Variants in SSX1 observed in about 807,000 individuals in gnomAD.
The protein encoded by SSX1 is protein SSX1.
Under a neutral mutation model 14.6 loss-of-function variants are expected in SSX1, and 58 were observed. The observed-to-expected ratio is 3.96, with a 90% CI of 3.21 to 4.93. The LOEUF (loss-of-function observed/expected upper bound fraction) is 4.93. Ranked by LOEUF, SSX1 falls within the 30% of genes most tolerant of loss-of-function variation. The pLI, the probability that SSX1 is intolerant of heterozygous loss-of-function variation, is 0.00. For synonymous variants in SSX1, 46 were observed against 52.1 expected, an observed-to-expected ratio of 0.88 and a Z score of 0.50; for missense variants, 272 against 143.1, an observed-to-expected ratio of 1.90 and a Z score of -4.60.
chrX:48,264,856 C>G (rs1321008547), intron 6 of SSX1, among the ~76,000 whole-genome samples: 1 of 112,786 alleles, frequency 8.9e-6, no homozygotes, highest in Non-Finnish European at 1.9e-5. Flanking sequence ...AGTGTAGCCA[C>G]GTTCATCAGT....
chrX:48,257,417 C>T lies in SSX1; in HGVS notation c.69+107C>T, dbSNP rs782077734. 36 of 1,165,694 alleles carry T rather than the reference C, an allele frequency of 3.1e-5. No homozygotes were observed. The East Asian group carries it at 7.8e-4, about 25-fold the overall frequency. The stretch of plus-strand genomic sequence containing the variant: ...GTACTGGGGACAAGGAGCAGGGTCT[C>T]GGGGGAGATCTGGACCCTTGGGAGC... On this transcript the variant is annotated intron_variant, in intron 2 of 7. Coordinates refer to ENST00000376919, the MANE Select transcript of SSX1 (RefSeq NM_005635.4).
At chrX:48,262,165 C>T (rs1241191807) in intron 5 of SSX1, among the ~76,000 whole-genome samples, 1 of 112,311 alleles carries the variant, frequency 8.9e-6, no homozygotes, top group Admixed American at 9.4e-5. Flanking sequence ...TGGCACAAAT[C>T]TTCTAAGTTA....
At position 48,257,785 on chromosome X, in the gene SSX1, T is replaced by A. The variant is rs781990771; in HGVS notation, c.109T>A (p.Trp37Arg). 2 of 1,206,122 alleles carry A rather than the reference T, an allele frequency of 1.7e-6. No homozygotes were observed. Among genetic ancestry groups the A allele is most frequent in the South Asian group, 1.8e-5 (1 of 56,442 alleles). ...TGCCACATACTTCTCTAAGAAAGAG[T>A]GGAAAAAGATGAAATACTCGGAGAA... is the stretch of plus-strand genomic sequence containing the variant. ...DIATYFSKKEWKKMKYSEKIS... is the reference protein window; with the variant it reads ...DIATYFSKKERKKMKYSEKIS... The change falls in exon 3 of 8, where the codon TGG becomes AGG. Residue 37 changes from tryptophan to arginine, a missense_variant. Trp to Arg is a moderately radical substitution (Grantham distance 101, BLOSUM62 -3). Transcript: ENST00000376919.
At chrX:48,258,159 C>T (rs1360890344) in intron 3 of SSX1, among the ~76,000 whole-genome samples, 1 of 102,756 alleles carries the variant, frequency 9.7e-6, no homozygotes, top group Non-Finnish European at 2.0e-5. Flanking sequence ...TTCCTCCTCT[C>T]AGCTTGTCTC....
rs2059594426 is a variant in SSX1 at position 48,259,018 on chromosome X, T to C, written c.280+387T>C. Among the ~76,000 whole-genome samples the C allele has an allele frequency of 4.5e-5, 5 of 110,390 alleles. No individual in the cohort carries two copies. The South Asian group carries it at 1.9e-3, about 43-fold the overall frequency. Reference sequence around the variant, plus strand: ...GTTTTGTTTTGTTTTTGTTTTGAACTGGAGATTTGCTCTTGTCGCCCAGGC... The same window carrying C: ...GTTTTGTTTTGTTTTTGTTTTGAACCGGAGATTTGCTCTTGTCGCCCAGGC... On this transcript the variant is annotated intron_variant, in intron 4 of 7. Coordinates refer to ENST00000376919, the MANE Select transcript of SSX1 (RefSeq NM_005635.4).
At chrX:48,258,394 A>G (rs782797795) in intron 3 of SSX1, 142 bp from the exon 4 acceptor site, 15 of 507,455 alleles carry the variant, frequency 3.0e-5, no homozygotes, top group East Asian at 1.4e-4. Flanking sequence ...GGGTCTCTCT[A>G]TGTTACACAG....
chrX:48,267,401 C>T lies in SSX1; in HGVS notation c.*552C>T. Reference sequence around the variant, plus strand: ...AGCATGTACTCCCCTCATCCGATTCCCCTGTATCAGTCACTGACAGTTAAT... The same window carrying T: ...AGCATGTACTCCCCTCATCCGATTCTCCTGTATCAGTCACTGACAGTTAAT... On this transcript the variant is annotated 3_prime_UTR_variant, in exon 8 of 8. Coordinates refer to ENST00000376919, the MANE Select transcript of SSX1 (RefSeq NM_005635.4). 6.0e-6 allele frequency: 1 copy of T among 167,724 alleles called. No homozygotes were observed. The highest frequency in any genetic ancestry group is 1.2e-5 in the Non-Finnish European group (1 of 86,544). The allele number at this position is 167,724 out of a possible 1,213,427, so 13.8% of individuals were successfully genotyped here.
At chrX:48,255,641 T>G (rs1361694284) in intron 1 of SSX1, among the ~76,000 whole-genome samples, 11 of 107,303 alleles carry the variant, frequency 1.0e-4, no homozygotes, top group African/African-American at 3.7e-4. Flanking sequence ...GTTTTTTTTT[T>G]TTTTTTTTTA....
chrX:48,266,872 T>C lies in SSX1; in HGVS notation c.*23T>C. On this transcript the variant is annotated 3_prime_UTR_variant, in exon 8 of 8. Coordinates refer to ENST00000376919, the MANE Select transcript of SSX1 (RefSeq NM_005635.4). ...GCCTCAGCCTGGGGGATACGACACA[T>C]GCCCTTGATGAGAAGCAGAACGTGG... is the stretch of plus-strand genomic sequence containing the variant. The C allele has an allele frequency of 1.8e-6, 2 of 1,112,081 alleles. No individual in the cohort carries two copies. Among genetic ancestry groups the C allele is most frequent in the South Asian group, 3.6e-5 (2 of 55,276 alleles). The allele number at this position is 1,112,081 out of a possible 1,213,427, so 91.6% of individuals were successfully genotyped here. A position where few individuals can be genotyped will look rare whatever the true frequency, so the allele number is the denominator to read the frequency against.
At chrX:48,256,028 TTTG>T (rs1569450453) in intron 1 of SSX1, among the ~76,000 whole-genome samples, 1 of 101,144 alleles carries the variant, frequency 9.9e-6, no homozygotes. Context: ...CCCTGCTAGT[TTTG>T]TTGTTGTTGT....
chrX:48,267,173 A>T lies in SSX1; in HGVS notation c.*324A>T. 5.9e-6 allele frequency: 2 copies of T among 340,381 alleles called. 1 individual carries two copies. Among genetic ancestry groups the T allele is most frequent in the Non-Finnish European group, 1.1e-5 (2 of 189,474 alleles). The allele number at this position is 340,381 out of a possible 1,213,427, so 28.1% of individuals were successfully genotyped here. ...GTATTGTCAGGTATTCTCTCCATAG[A>T]ACAGCACTATCCTCATCTCTCCCCA... On this transcript the variant is annotated 3_prime_UTR_variant, in exon 8 of 8. Transcript: ENST00000376919.
intron 1 of SSX1, among the ~76,000 whole-genome samples, chrX:48,255,744 A>C (rs1182809426): frequency 5.4e-5 from 5 of 93,110 alleles, no homozygotes; most frequent in African/African-American, 2.0e-4. Flanking sequence ...TACAGGCACG[A>C]ACCACCCCAC....
At position 48,267,111 on chromosome X, in the gene SSX1, T is replaced by A. The variant is rs2059626811; in HGVS notation, c.*262T>A. On this transcript the variant is annotated 3_prime_UTR_variant, in exon 8 of 8. Transcript: ENST00000376919. ...GAGCAAGACATACTGAATGCATATT[T>A]CGGTTTGTGTATCCATGCACCTACG... The A allele has an allele frequency of 2.5e-6, 1 of 405,919 alleles. No homozygotes were observed. 33.5% of individuals were successfully genotyped at this position (405,919 alleles called of 1,213,427 possible).
intron 1 of SSX1, among the ~76,000 whole-genome samples, 200 bp downstream of exon 1, chrX:48,255,632 T>G (rs2059577749): frequency 1.3e-5 from 1 of 76,987 alleles, no homozygotes; most frequent in Non-Finnish European, 2.5e-5. Context: ...CCCACCCCTG[T>G]TTTTTTTTTT....
intron 5 of SSX1, 151 bp from the exon 6 acceptor site, chrX:48,263,631 C>G: frequency 2.6e-6 from 2 of 782,128 alleles, no homozygotes; most frequent in East Asian, 6.6e-5. Context: ...TGCTTCTAAT[C>G]TCCCAGGTTT....
Position 48,258,618 on chromosome X carries a change from C to A in SSX1, c.267C>A (p.Asn89Lys). Reference protein sequence around the residue: ...FQGNDFDNDHNRRIQVEHPQM... With the variant: ...FQGNDFDNDHKRRIQVEHPQM... ...GGAATGATTTTGATAATGACCATAACCGCAGGATTCAGGGTGAGTAGATGG... is the reference window on the plus strand; with the variant it reads ...GGAATGATTTTGATAATGACCATAAACGCAGGATTCAGGGTGAGTAGATGG... The change falls in exon 4 of 8, where the codon AAC (asparagine) becomes AAA (lysine). Residue 89 changes from asparagine to lysine, a missense_variant. Coordinates refer to ENST00000376919, the MANE Select transcript of SSX1 (RefSeq NM_005635.4). The A allele has an allele frequency of 2.5e-6, 3 of 1,204,107 alleles. No homozygotes were observed. The highest frequency in any genetic ancestry group is 3.4e-6 in the Non-Finnish European group (3 of 889,342).
chrX:48,257,178 C>A (rs782587793), intron 1 of SSX1, 44 bp from the exon 2 acceptor site: 293 of 1,155,593 alleles, frequency 2.5e-4, no homozygotes, highest in Non-Finnish European at 3.3e-4. Flanking sequence ...TCCATAGGAC[C>A]AAGGGTCCTG....
chrX:48,262,431 T>G (rs1556935636), intron 5 of SSX1, among the ~76,000 whole-genome samples: 2 of 112,060 alleles, frequency 1.8e-5, no homozygotes, highest in Non-Finnish European at 3.8e-5. Context: ...CTACTGGTGC[T>G]TCCATTGAGA....
At chrX:48,265,839 A>T (rs188645311) in intron 6 of SSX1, among the ~76,000 whole-genome samples, 4 of 112,101 alleles carry the variant, frequency 3.6e-5, no homozygotes, top group African/African-American at 9.7e-5. Context: ...AATTGCAATA[A>T]TAACATCAAA....
Sources: gnomAD v4.1 joint callset for allele counts (sites outside exome capture counted in the v4.1 genomes callset) on GRCh38, gnomAD v4.1.1 for gene constraint, MANE v1.5 for transcripts, NCBI Gene and HGNC (gene_info 2026-07-23, HGNC 2026-07-21) for gene names.